The following AIG1 variants were observed in gnomAD, a reference collection of about 807,000 sequenced individuals.
AIG1 encodes androgen-induced gene 1 protein.
A neutral mutation model predicts 31.4 loss-of-function variants in AIG1; 23 were observed. The ratio of observed to expected loss-of-function variants is 0.73; its 90% CI spans 0.53 to 1.04. The LOEUF is 1.04. Ranked by LOEUF, AIG1 falls within the 50% of genes least tolerant of loss-of-function variation. AIG1 has a pLI of 0.00. For missense variants in AIG1, 274 were observed against 295.0 expected (o/e 0.93, Z 0.52); for synonymous variants, 100 against 110.5 (o/e 0.90, Z 0.60).
intron 4 of AIG1, among the ~76,000 whole-genome samples, chr6:143,300,274 T>C (rs1488246209): frequency 1.3e-5 from 2 of 152,344 alleles, no homozygotes; most frequent in East Asian, 1.9e-4. Flanking sequence ...GAGTAATTAA[T>C]GTTTGTCAAA....
chr6:143,217,229 C>T (rs1222100954), intron 3 of AIG1, among the ~76,000 whole-genome samples: 2 of 152,160 alleles, frequency 1.3e-5, no homozygotes, highest in African/African-American at 2.4e-5. Context: ...AGTCACCTTC[C>T]AATCACTGTG....
intron 3 of AIG1, among the ~76,000 whole-genome samples, chr6:143,239,758 C>T (rs1794100919): frequency 6.6e-6 from 1 of 152,206 alleles, no homozygotes; most frequent in Non-Finnish European, 1.5e-5. Context: ...ATTGGATGAT[C>T]AAATAAATGA....
At chr6:143,187,844 C>G in intron 3 of AIG1, 1 of 1,456,250 alleles carries the variant, frequency 6.9e-7, no homozygotes. Flanking sequence ...TGCCATTTCT[C>G]AAGCGATGTA....
intron 3 of AIG1, chr6:143,187,715 C>T: frequency 6.5e-7 from 1 of 1,535,976 alleles, no homozygotes; most frequent in East Asian, 2.4e-5. Context: ...AAAGCTTGCT[C>T]CAGCAATGAC....
intron 1 of AIG1, among the ~76,000 whole-genome samples, chr6:143,067,820 T>C (rs1271686877): frequency 6.6e-6 from 1 of 152,138 alleles, no homozygotes; most frequent in African/African-American, 2.4e-5. Context: ...GTTTTTTGTT[T>C]TTTGGGGTTT....
Position 143,280,657 on chromosome 6 carries a change from T to C in AIG1, c.400-3453T>C, listed in dbSNP as rs1375803090. ...AACACCGCATGTTCTCACTTATAAG[T>C]GGGAGCTAAATGATAAGAACTTATG... On this transcript the variant is annotated intron_variant, in intron 3 of 5. Transcript: ENST00000357847. This position sits in a 1 kb window ranked among gnomAD's most constrained non-coding sequence, Gnocchi z 4.1. Among the ~76,000 whole-genome samples, 1 of 152,072 alleles carries C rather than the reference T, an allele frequency of 6.6e-6. No homozygotes were observed. The highest frequency in any genetic ancestry group is 2.4e-5 in the African/African-American group (1 of 41,402).
intron 1 of AIG1, among the ~76,000 whole-genome samples, chr6:143,121,654 G>T (rs1782253884): frequency 6.6e-6 from 1 of 152,054 alleles, no homozygotes; most frequent in African/African-American, 2.4e-5. Context: ...CTGGTAGAAG[G>T]GTCCAGTTGT....
chr6:143,221,083 C>T (rs542049335), intron 3 of AIG1, among the ~76,000 whole-genome samples: 2 of 152,216 alleles, frequency 1.3e-5, no homozygotes, highest in African/African-American at 4.8e-5. Context: ...GACAATTTAC[C>T]TGCCACGGGT....
rs150817607 is a variant in AIG1, at chr6:143,142,009, A to G, written c.297+5019A>G. On this transcript the variant is annotated intron_variant, in intron 2 of 5. Transcript: ENST00000357847. Reference sequence around the variant, plus strand: ...CTCAGGAATCTTAAATGTGTCTCCAACTGCCTACCAAAGCAGCCGTTTAAT... The same window carrying G: ...CTCAGGAATCTTAAATGTGTCTCCAGCTGCCTACCAAAGCAGCCGTTTAAT... 3.0e-4 allele frequency among the ~76,000 whole-genome samples: 46 copies of G among 152,154 alleles called. No homozygotes were observed. In the East Asian group the frequency reaches 8.5e-3, roughly 28 times the overall value.
At chr6:143,337,930 T>C in intron 5 of AIG1, 1 of 398,698 alleles carries the variant, frequency 2.5e-6, no homozygotes, top group East Asian at 3.6e-5. Flanking sequence ...TCTCTGGTTC[T>C]TGCAAACATT....
chr6:143,195,057 CTG>C (rs1192651266), intron 3 of AIG1, among the ~76,000 whole-genome samples: 2 of 152,176 alleles, frequency 1.3e-5, no homozygotes, highest in Non-Finnish European at 2.9e-5. Flanking sequence ...TGGATACTGA[CTG>C]TGTTCCTCTT....
At chr6:143,099,243 C>G (rs1256945343) in intron 1 of AIG1, among the ~76,000 whole-genome samples, 1 of 152,140 alleles carries the variant, frequency 6.6e-6, no homozygotes, top group Admixed American at 6.5e-5. Context: ...CAGAAAGCTT[C>G]ATAAACTTTT....
chr6:143,287,191 C>A (rs1797740566), intron 4 of AIG1, among the ~76,000 whole-genome samples: 1 of 152,038 alleles, frequency 6.6e-6, no homozygotes, highest in African/African-American at 2.4e-5. Flanking sequence ...AATGAGAGGA[C>A]CCTTAGCATT....
chr6:143,311,005 C>G (rs574510602), intron 4 of AIG1, among the ~76,000 whole-genome samples: 6 of 151,812 alleles, frequency 4.0e-5, no homozygotes, highest in Non-Finnish European at 7.4e-5. Context: ...CTGGCAAATC[C>G]TACCAAACAT....
chr6:143,278,629 T>C (rs971746313), intron 3 of AIG1, among the ~76,000 whole-genome samples: 7 of 151,828 alleles, frequency 4.6e-5, no homozygotes, highest in African/African-American at 1.5e-4. Context: ...CCACCAAGCC[T>C]GGCTAATTTT....
At chr6:143,253,091 A>G (rs905696262) in intron 3 of AIG1, among the ~76,000 whole-genome samples, 2 of 152,238 alleles carry the variant, frequency 1.3e-5, no homozygotes, top group Non-Finnish European at 2.9e-5. Flanking sequence ...GCGACATCCT[A>G]TCACTTTCAC....
intron 2 of AIG1, among the ~76,000 whole-genome samples, chr6:143,145,233 C>T (rs1784605290): frequency 1.3e-5 from 2 of 152,146 alleles, no homozygotes; most frequent in Non-Finnish European, 2.9e-5. Flanking sequence ...CCATGTTGCC[C>T]AGGCTGGTCT....
chr6:143,342,928 T>C, downstream of AIG1: 4 of 926,822 alleles, frequency 4.3e-6, no homozygotes, highest in Non-Finnish European at 7.2e-6. Context: ...TATGTATGTT[T>C]TGTGGAGCTT....
chr6:143,273,489 T>C (rs1796686461), intron 3 of AIG1, among the ~76,000 whole-genome samples: 3 of 151,998 alleles, frequency 2.0e-5, no homozygotes. Flanking sequence ...TGTCCCCCAT[T>C]GCTCTCTCTT....
Sources: gnomAD v4.1 joint callset for allele counts (sites outside exome capture counted in the v4.1 genomes callset) on GRCh38, gnomAD v4.1.1 for gene constraint, Gnocchi (gnomAD v3.1) non-coding constraint, MANE v1.5 for transcripts, NCBI Gene and HGNC (gene_info 2026-07-23, HGNC 2026-07-21) for gene names.